Variants in RUNDC1 observed in about 807,000 individuals in gnomAD.
RUNDC1 encodes the protein RUN domain-containing protein 1.
A neutral mutation model predicts 49.3 loss-of-function variants in RUNDC1; 31 were observed. The ratio of observed to expected loss-of-function variants is 0.63; its 90% CI spans 0.47 to 0.85. The LOEUF is 0.85. RUNDC1 is among the 40% of genes least tolerant of loss of function. The pLI is 0.00. For missense variants in RUNDC1, 715 were observed against 806.7 expected, an observed-to-expected ratio of 0.89 and a Z score of 1.38; for synonymous variants, 347 against 348.6, an observed-to-expected ratio of 1.00 and a Z score of 0.05.
At chr17:42,986,734 C>T (rs2050177524) in intron 1 of RUNDC1, among the ~76,000 whole-genome samples, 2 of 151,312 alleles carry the variant, frequency 1.3e-5, no homozygotes, top group Admixed American at 6.6e-5. Context: ...CTCCTGACCT[C>T]GTGATCCACC....
Position 42,987,280 on chromosome 17 carries a change from C to A in RUNDC1, c.523C>A (p.Leu175Met). ...DQSEQEKQER[L>M]ETQREKQKEL... ...GAGTGAGCAGGAAAAGCAAGAGCGTCTGGAAACCCAAAGGGAGAAGCAGAA... is the reference window on the plus strand; with the variant it reads ...GAGTGAGCAGGAAAAGCAAGAGCGTATGGAAACCCAAAGGGAGAAGCAGAA... The change falls in exon 2 of 5, where the codon CTG becomes ATG. Residue 175 changes from leucine (L) to methionine (M), a missense_variant. This residue lies in a region of RUNDC1 where 113 missense variants were observed against 93.4 expected (regional missense o/e 1.21). Coordinates refer to ENST00000361677, the MANE Select transcript of RUNDC1 (RefSeq NM_173079.5). 6.2e-7 allele frequency: 1 copy of A among 1,614,100 alleles called. No individual in the cohort carries two copies. Among genetic ancestry groups the A allele is most frequent in the South Asian group, 1.1e-5 (1 of 91,082 alleles).
chr17:42,980,643 G>A lies in RUNDC1; in HGVS notation c.67G>A (p.Asp23Asn), dbSNP rs781518919. The A allele has an allele frequency of 6.2e-7, 1 of 1,602,654 alleles. No individual in the cohort carries two copies. Among genetic ancestry groups the A allele is most frequent in the Admixed American group, 1.7e-5 (1 of 58,098 alleles). Residue 23 changes from aspartate to asparagine, a missense_variant, in exon 1 of 5, where the codon GAC (aspartate) becomes AAC (asparagine). Physicochemically the swap from Asp to Asn is conservative, Grantham distance 23 (BLOSUM62 1). This residue lies in a region of RUNDC1 where 153 missense variants were observed against 139.4 expected (regional missense o/e 1.10). Transcript: ENST00000361677. ...GGCGGCTGTTGGGCCAAAGGCGAAA[G>A]ACGAAGAGGAGGAGGAAGAGGAGCC... ...VVAAVGPKAK[D>N]EEEEEEEPLP...
In RUNDC1 at chr17:42,992,854, G is replaced by C. The variant is rs551396470; in HGVS notation, c.*1138G>C. The C allele has an allele frequency of 6.6e-6, 1 of 152,170 alleles. No individual in the cohort carries two copies. The highest frequency in any genetic ancestry group is 1.5e-5 in the Non-Finnish European group (1 of 68,046). 9.4% of individuals were successfully genotyped at this position (152,170 alleles called of 1,614,324 possible). ...TTGTAGAGGTAAGTAAAATCTTCCT[G>C]ACAAGGTAGTCCTCTTTTCATGGCA... On this transcript the variant is annotated 3_prime_UTR_variant, in exon 5 of 5. Transcript: ENST00000361677.
In RUNDC1 at chr17:42,989,377, A is replaced by C. The variant is rs902124755; in HGVS notation, c.694A>C (p.Asn232His). The C allele has an allele frequency of 3.1e-6, 5 of 1,614,096 alleles. No individual in the cohort carries two copies. Among genetic ancestry groups the C allele is most frequent in the Non-Finnish European group, 4.2e-6 (5 of 1,179,986 alleles). Residue 232 changes from asparagine (N) to histidine (H), a missense_variant, in exon 3 of 5, where the codon AAT becomes CAT. Coordinates refer to ENST00000361677, the MANE Select transcript of RUNDC1 (RefSeq NM_173079.5). ...TGAGTTAATAAAGAAACTGGACATG[A>C]ATCTGAATGAGGACATCAGTTCCCT... ...IDELIKKLDM[N>H]LNEDISSLST...
chr17:42,991,838 C>A lies in RUNDC1; in HGVS notation c.*122C>A. On this transcript the variant is annotated 3_prime_UTR_variant, in exon 5 of 5. Transcript: ENST00000361677. Reference sequence around the variant, plus strand: ...GCATTTTTCCCAGACCCTGCTCAGGCAGTCGGCCAAATGAGTGCAAAGTCT... The same window carrying A: ...GCATTTTTCCCAGACCCTGCTCAGGAAGTCGGCCAAATGAGTGCAAAGTCT... The A allele has an allele frequency of 1.9e-6, 2 of 1,072,510 alleles. No homozygotes were observed. Among genetic ancestry groups the A allele is most frequent in the Non-Finnish European group, 2.7e-6 (2 of 749,114 alleles). 66.4% of individuals were successfully genotyped at this position (1,072,510 alleles called of 1,614,324 possible).
chr17:42,987,571 C>G (rs574797462), intron 2 of RUNDC1, among the ~76,000 whole-genome samples, 157 bp downstream of exon 2: 1 of 152,272 alleles, frequency 6.6e-6, no homozygotes, highest in East Asian at 1.9e-4. Flanking sequence ...CTATGAGGAA[C>G]CTTTCTTTGC....
In RUNDC1 at chr17:42,980,571, G is replaced by A; in HGVS notation, c.-6G>A. The A allele has an allele frequency of 6.2e-7, 1 of 1,609,542 alleles. No homozygotes were observed. On this transcript the variant is annotated 5_prime_UTR_variant, in exon 1 of 5. Transcript: ENST00000361677. ...GCGGCTGACGTGCGGTGGTGTTTCC[G>A]GGAAGATGGCGGCTGTCGAAGCGGC...
rs1256840686 is a variant in RUNDC1, at chr17:42,993,026, G to A, written c.*1310G>A. On this transcript the variant is annotated 3_prime_UTR_variant, in exon 5 of 5. Transcript: ENST00000361677. ...TATTCAAGACAAACGAGAAAATCCT[G>A]GCTACCCAAGTCGAGTATATACAGG... The A allele has an allele frequency of 6.6e-6, 1 of 152,170 alleles. No individual in the cohort carries two copies. 9.4% of individuals were successfully genotyped at this position (152,170 alleles called of 1,614,324 possible).
rs1211265169 is a variant in RUNDC1, at chr17:42,980,659, A to T, written c.83A>T (p.Glu28Val). The T allele has an allele frequency of 1.3e-6, 2 of 1,592,454 alleles. No homozygotes were observed. Among genetic ancestry groups the T allele is most frequent in the Non-Finnish European group, 1.7e-6 (2 of 1,172,444 alleles). The part of the protein sequence containing the change: ...GPKAKDEEEE[E>V]EEPLPPCEAV... ...AAGGCGAAAGACGAAGAGGAGGAGG[A>T]AGAGGAGCCGCTGCCACCGTGCGAG... is the stretch of plus-strand genomic sequence containing the variant. The change falls in exon 1 of 5, where the codon GAA (glutamate) becomes GTA (valine). Residue 28 changes from glutamate to valine, a missense_variant. This residue lies in a region of RUNDC1 where 153 missense variants were observed against 139.4 expected (regional missense o/e 1.10). Coordinates refer to ENST00000361677, the MANE Select transcript of RUNDC1 (RefSeq NM_173079.5).
At chr17:42,990,054 A>G (rs562498285) in intron 3 of RUNDC1, among the ~76,000 whole-genome samples, 1 of 152,296 alleles carries the variant, frequency 6.6e-6, no homozygotes, top group East Asian at 1.9e-4. Flanking sequence ...CTCCACTCTC[A>G]TACTCATTGG....
intron 3 of RUNDC1, 21 bp from the exon 4 acceptor site, chr17:42,990,296 T>C: frequency 6.2e-7 from 1 of 1,613,156 alleles, no homozygotes. Context: ...TAAGTGTCTC[T>C]TCTATAATTT....
Position 42,991,502 on chromosome 17 carries a change from G to A in RUNDC1, c.1628G>A (p.Cys543Tyr). The stretch of plus-strand genomic sequence containing the variant: ...GACTCAGAATTGAAGGCCTTGGTGT[G>A]CATGGCACTGAATGAGCAGCGTCTG... ...SADSELKALV[C>Y]MALNEQRLVS... is the part of the protein sequence containing the mutation. Residue 543 changes from cysteine (C) to tyrosine (Y), a missense_variant, in exon 5 of 5, where the codon TGC becomes TAC. Physicochemically the swap from Cys to Tyr is radical, Grantham distance 194. Transcript: ENST00000361677. 1 of 1,614,182 alleles carries A rather than the reference G, an allele frequency of 6.2e-7. No individual in the cohort carries two copies. Among genetic ancestry groups the A allele is most frequent in the Non-Finnish European group, 8.5e-7 (1 of 1,180,044 alleles).
rs148971671 is a variant in RUNDC1 at position 42,991,792 on chromosome 17, G to C, written c.*76G>C. 3.3e-3 allele frequency: 4,917 copies of C among 1,472,334 alleles called. 14 individuals are homozygous for C. Among genetic ancestry groups the C allele is most frequent in the Admixed American group, 7.2e-3 (347 of 48,230 alleles). The allele number at this position is 1,472,334 out of a possible 1,614,324, so 91.2% of individuals were successfully genotyped here. ...GCTAGTCTTCTAGCATAGGAGCAAG[G>C]AATCAGAGGTGGGGTTAAAGGCATT... is the stretch of plus-strand genomic sequence containing the variant. On this transcript the variant is annotated 3_prime_UTR_variant, in exon 5 of 5. Transcript: ENST00000361677.
intron 3 of RUNDC1, among the ~76,000 whole-genome samples, 189 bp from the exon 4 acceptor site, chr17:42,990,128 C>T (rs528448107): frequency 3.3e-5 from 5 of 152,310 alleles, no homozygotes; most frequent in Admixed American, 6.5e-5. Context: ...AATGATGATT[C>T]ATGGTTCATT....
Position 42,990,902 on chromosome 17 carries a change from G to A in RUNDC1, c.1028G>A (p.Arg343Gln), listed in dbSNP as rs374188538. Residue 343 changes from arginine to glutamine, a missense_variant, in exon 5 of 5, where the codon CGG (arginine) becomes CAG (glutamine). Arg to Gln is a conservative substitution (Grantham distance 43). This residue lies in a region of RUNDC1 where 425 missense variants were observed against 499.7 expected (regional missense o/e 0.85). Transcript: ENST00000361677. ...CGGGAGACGGGGCTGCACCTGATGCGGCGAGCGCTGGCCGTGCTCCAGATC... is the reference window on the plus strand; with the variant it reads ...CGGGAGACGGGGCTGCACCTGATGCAGCGAGCGCTGGCCGTGCTCCAGATC... ...KVRETGLHLM[R>Q]RALAVLQIFA... 3.9e-5 allele frequency: 63 copies of A among 1,609,732 alleles called. 1 individual carries two copies. Among genetic ancestry groups the A allele is most frequent in the South Asian group, 2.9e-4 (26 of 91,020 alleles).
chr17:42,991,382 C>G lies in RUNDC1; in HGVS notation c.1508C>G (p.Pro503Arg). 1 of 1,614,242 alleles carries G rather than the reference C, an allele frequency of 6.2e-7. No homozygotes were observed. The highest frequency in any genetic ancestry group is 8.5e-7 in the Non-Finnish European group (1 of 1,180,042). ...AAGCTCTCCCAGTCCTTCGCCCTTC[C>G]TGTTACGGGAGGCACTGTTGTCACC... ...ARKLSQSFAL[P>R]VTGGTVVTPK... is the part of the protein sequence containing the mutation. Residue 503 changes from proline (P) to arginine (R), a missense_variant, in exon 5 of 5, where the codon CCT becomes CGT. Physicochemically the swap from Pro to Arg is moderately radical, Grantham distance 103. Transcript: ENST00000361677.
Position 42,993,698 on chromosome 17 carries a change from C to T in RUNDC1, c.*1982C>T, listed in dbSNP as rs1228977066. ...ATATTTTTTTGAAAACTGCCTGTAT[C>T]CTCTGTCCTCTGTTACGGATCATCT... On this transcript the variant is annotated 3_prime_UTR_variant, in exon 5 of 5. Transcript: ENST00000361677. 6.6e-6 allele frequency: 1 copy of T among 152,034 alleles called. No homozygotes were observed. The highest frequency in any genetic ancestry group is 1.9e-4 in the East Asian group (1 of 5,192). 9.4% of individuals were successfully genotyped at this position (152,034 alleles called of 1,614,324 possible).
In RUNDC1 at chr17:42,981,060, C is replaced by G. The variant is rs1478201702; in HGVS notation, c.484C>G (p.Arg162Gly). 1.9e-6 allele frequency: 3 copies of G among 1,561,434 alleles called. No individual in the cohort carries two copies. Among genetic ancestry groups the G allele is most frequent in the Non-Finnish European group, 2.6e-6 (3 of 1,161,744 alleles). ...GCTGCCAGGGGACCGGCCATGGTTG[C>G]GGGGCGAGGACCAGGTGAGTGGCTG... ...DGLPGDRPWL[R>G]GEDQSEQEKQ... The change falls in exon 1 of 5, where the codon CGG (arginine) becomes GGG (glycine). Residue 162 changes from arginine to glycine, a missense_variant. Coordinates refer to ENST00000361677, the MANE Select transcript of RUNDC1 (RefSeq NM_173079.5).
chr17:42,984,889 C>CTTTTTTTTTTTTT (rs56228523), intron 1 of RUNDC1, among the ~76,000 whole-genome samples: 50 of 65,208 alleles, frequency 7.7e-4, no homozygotes, highest in East Asian at 9.5e-4. Context: ...TTCTTTCTTT[C>CTTTTTTTTTTTTT]TTTTTTTTTT....
Sources: gnomAD v4.1 joint callset for allele counts (sites outside exome capture counted in the v4.1 genomes callset) on GRCh38, gnomAD v4.1.1 for gene constraint, gnomAD v4.1.1 regional missense constraint, MANE v1.5 for transcripts, NCBI Gene and HGNC (gene_info 2026-07-23, HGNC 2026-07-21) for gene names.